Variants in VMA12 observed in about 807,000 individuals in gnomAD.
The protein encoded by VMA12 is vacuolar ATPase assembly protein VMA12.
At chr17:28,358,505 G>A in the VMA12 span, 1 of 473,956 alleles carries the variant, frequency 2.1e-6, no homozygotes, top group South Asian at 1.5e-5. Context: ...AGCCAGAAGT[G>A]CAAAGGGTAG....
the VMA12 span, chr17:28,359,181 A>G: frequency 1.9e-6 from 2 of 1,046,582 alleles, no homozygotes; most frequent in East Asian, 2.6e-5. Context: ...AACAGTTTCA[A>G]AGCACTGGAG....
the VMA12 span, chr17:28,358,266 G>A: frequency 2.5e-6 from 1 of 405,716 alleles, no homozygotes; most frequent in African/African-American, 2.1e-5. Flanking sequence ...AAAAGCAAGA[G>A]TGGTGAAATC....
chr17:28,357,703 G>T, the VMA12 span: 1 of 1,613,112 alleles, frequency 6.2e-7, no homozygotes, highest in South Asian at 1.1e-5. Flanking sequence ...GCGAGCGATT[G>T]GTGCGTGCTT....
chr17:28,358,875 A>C, the VMA12 span: 2 of 1,553,166 alleles, frequency 1.3e-6, no homozygotes, highest in Non-Finnish European at 1.8e-6. Flanking sequence ...CTTCAACCTC[A>C]GCTCGTGGAT....
At chr17:28,357,902 C>T in the VMA12 span, 2 of 1,612,678 alleles carry the variant, frequency 1.2e-6, no homozygotes, top group Middle Eastern at 1.6e-4. Flanking sequence ...GTCTCCAGTC[C>T]GGGGTCCCCT....
chr17:28,361,199 G>A, the VMA12 span: 1 of 1,614,108 alleles, frequency 6.2e-7, no homozygotes, highest in Non-Finnish European at 8.5e-7. Flanking sequence ...GGTGGGTCTG[G>A]CCGAGCTGTA....
At chr17:28,357,860 C>G in the VMA12 span, 53 of 1,613,946 alleles carry the variant, frequency 3.3e-5, no homozygotes, top group Non-Finnish European at 4.5e-5. Context: ...CCGGGATCTG[C>G]ACCAGCATCT....
chr17:28,361,296 A>G, the VMA12 span: 1 of 1,591,528 alleles, frequency 6.3e-7, no homozygotes, highest in Admixed American at 1.7e-5. Context: ...TGGGGGCTTC[A>G]GGCTCCAATT....
the VMA12 span, chr17:28,361,625 T>C: frequency 4.6e-6 from 1 of 217,478 alleles, no homozygotes. Flanking sequence ...CTTGAACTTG[T>C]CCATATGTAC....
the VMA12 span, chr17:28,361,105 C>A: frequency 6.4e-7 from 1 of 1,564,256 alleles, no homozygotes; most frequent in Non-Finnish European, 8.8e-7. Flanking sequence ...TGCTGGGGTA[C>A]AGAGCTGGTT....
the VMA12 span, chr17:28,357,896 C>T: frequency 6.2e-7 from 1 of 1,613,314 alleles, no homozygotes; most frequent in Non-Finnish European, 8.5e-7. Flanking sequence ...GCCCCAGTCT[C>T]CAGTCCGGGG....
chr17:28,360,586 G>A, the VMA12 span: 1 of 1,614,176 alleles, frequency 6.2e-7, no homozygotes, highest in Non-Finnish European at 8.5e-7. Flanking sequence ...GGTACTAGGA[G>A]ATCAGGCTTC....
chr17:28,360,814 T>G, the VMA12 span: 1 of 1,614,008 alleles, frequency 6.2e-7, no homozygotes, highest in Non-Finnish European at 8.5e-7. Flanking sequence ...GCACTTACCT[T>G]GGAAGCCAAT....
the VMA12 span, chr17:28,359,184 C>T: frequency 9.7e-7 from 1 of 1,031,720 alleles, no homozygotes; most frequent in East Asian, 2.6e-5. Context: ...AGTTTCAAAG[C>T]ACTGGAGTTA....
the VMA12 span, chr17:28,357,680 T>G: frequency 2.5e-6 from 4 of 1,612,380 alleles, no homozygotes. Context: ...TATGGCGTCC[T>G]CTTTGCTTGC....
At chr17:28,357,753 G>A in the VMA12 span, 16 of 1,613,330 alleles carry the variant, frequency 9.9e-6, no homozygotes, top group African/African-American at 4.0e-5. Flanking sequence ...CGGCTACCCC[G>A]AAAGCTGCGG....
chr17:28,361,386 C>A, the VMA12 span: 1 of 751,438 alleles, frequency 1.3e-6, no homozygotes. Context: ...AGGCCAGCTG[C>A]TGTTTCTGTG....
chr17:28,360,727 CCCCAAAG>C, the VMA12 span: 1 of 1,613,564 alleles, frequency 6.2e-7, no homozygotes, highest in South Asian at 1.1e-5. Context: ...TCTGGCTCCT[CCCCAAAG>C]TGAGATCATT....
the VMA12 span, chr17:28,358,002 T>C: frequency 9.5e-7 from 1 of 1,056,004 alleles, no homozygotes; most frequent in East Asian, 2.6e-5. Flanking sequence ...CAAGAGTCAC[T>C]CCATAAATCC....
Sources: allele counts gnomAD v4.1 joint callset, GRCh38; gene constraint gnomAD v4.1.1; transcripts MANE v1.5; gene names NCBI Gene and HGNC (gene_info 2026-07-23, HGNC 2026-07-21).